The following EHBP1 variants were observed in gnomAD, a reference collection of about 807,000 sequenced individuals.
EHBP1 encodes the protein EH domain-binding protein 1.
A neutral mutation model predicts 144.0 loss-of-function variants in EHBP1; 55 were observed. The ratio of observed to expected loss-of-function variants is 0.38; its 90% CI spans 0.31 to 0.48. EHBP1 has a LOEUF of 0.48. EHBP1 is among the 20% of genes least tolerant of loss of function. The probability of loss-of-function intolerance (pLI) is 0.98; values close to 1 mark genes in which losing one functional copy is unlikely to be tolerated. For missense variants in EHBP1, 1,200 were observed against 1,364.2 expected, an observed-to-expected ratio of 0.88 and a Z score of 1.90; for synonymous variants, 469 against 472.7, an observed-to-expected ratio of 0.99 and a Z score of 0.10.
chr2:62,748,742 G>T (rs889199031), intron 3 of EHBP1, among the ~76,000 whole-genome samples: 1 of 151,982 alleles, frequency 6.6e-6, no homozygotes, highest in East Asian at 1.9e-4. Flanking sequence ...TTGAATGTTG[G>T]TTTTTCTACA....
chr2:62,736,592 G>A (rs2152073943), intron 2 of EHBP1, among the ~76,000 whole-genome samples: 1 of 152,158 alleles, frequency 6.6e-6, no homozygotes, highest in South Asian at 2.1e-4. Context: ...TTCTTCCTCA[G>A]CTATTTACAG....
At chr2:63,012,047 C>A (rs1342431032) in intron 19 of EHBP1, among the ~76,000 whole-genome samples, 1 of 151,412 alleles carries the variant, frequency 6.6e-6, no homozygotes, top group Non-Finnish European at 1.5e-5. Context: ...TTTGTTGTTA[C>A]CGTTGTTGTT....
chr2:62,945,262 AT>A (rs1014873379), intron 12 of EHBP1, among the ~76,000 whole-genome samples: 8 of 152,152 alleles, frequency 5.3e-5, no homozygotes, highest in African/African-American at 7.2e-5. Flanking sequence ...TCATAGGTGT[AT>A]TTTTCAGTAT....
At position 62,949,150 on chromosome 2, in the gene EHBP1, A is replaced by G. The variant is rs185025795; in HGVS notation, c.2304A>G (p.Ser768=). Residue 768 remains serine (S), a synonymous_variant, in exon 13 of 23, where the codon TCA becomes TCG. Coordinates refer to ENST00000431489, the MANE Select transcript of EHBP1 (RefSeq NM_001142616.3). ...CTTTAAATCATGCAGATCATTCATCAAAAATAGTCCAGGTAAGTGAGTTAG... is the reference window on the plus strand; with the variant it reads ...CTTTAAATCATGCAGATCATTCATCGAAAATAGTCCAGGTAAGTGAGTTAG... ...RTTLNHADHS[S]KIVQHRLLSR... 1.3e-6 allele frequency: 2 copies of G among 1,552,534 alleles called. No individual in the cohort carries two copies. The highest frequency in any genetic ancestry group is 2.2e-5 in the Admixed American group (1 of 46,102).
intron 15 of EHBP1, among the ~76,000 whole-genome samples, chr2:62,980,382 C>T (rs1011456560): frequency 3.9e-5 from 6 of 152,152 alleles, no homozygotes; most frequent in Admixed American, 2.0e-4. Context: ...AATGCTCATT[C>T]GCCCTGTTAG....
chr2:62,838,193 A>G (rs1379322465), intron 7 of EHBP1, among the ~76,000 whole-genome samples: 3 of 152,278 alleles, frequency 2.0e-5, no homozygotes, highest in African/African-American at 7.2e-5. Context: ...ATCCCACTCA[A>G]AGCCGCTCAA....
chr2:62,956,754 A>C (rs1314368222), intron 14 of EHBP1, among the ~76,000 whole-genome samples: 1 of 152,034 alleles, frequency 6.6e-6, no homozygotes, highest in Non-Finnish European at 1.5e-5. Context: ...TATTAGGTTA[A>C]TAGATTCTGT....
chr2:62,895,756 TGAA>T (rs1449184706), intron 10 of EHBP1, among the ~76,000 whole-genome samples: 1 of 151,832 alleles, frequency 6.6e-6, no homozygotes, highest in Admixed American at 6.6e-5. Flanking sequence ...AGCAATGCAG[TGAA>T]GAAAGAGTAA....
intron 2 of EHBP1, among the ~76,000 whole-genome samples, chr2:62,716,954 A>G (rs2035746561): frequency 6.6e-6 from 1 of 152,172 alleles, no homozygotes; most frequent in African/African-American, 2.4e-5. Context: ...TTTTGTAGCA[A>G]CAGGGGTCTC....
intron 7 of EHBP1, among the ~76,000 whole-genome samples, chr2:62,855,093 C>T (rs2048947704): frequency 2.6e-5 from 4 of 152,246 alleles, no homozygotes; most frequent in Admixed American, 2.0e-4. Flanking sequence ...CAAACGGCGG[C>T]TGCAGACCCA....
At chr2:62,860,895 A>G (rs981670393) in intron 8 of EHBP1, among the ~76,000 whole-genome samples, 3 of 152,126 alleles carry the variant, frequency 2.0e-5, no homozygotes, top group Non-Finnish European at 4.4e-5. Flanking sequence ...CCAAACAAGT[A>G]TGTGTCAACC....
Position 63,020,070 on chromosome 2 carries a change from A to C in EHBP1, c.3104-17465A>C, listed in dbSNP as rs2060663529. Among the ~76,000 whole-genome samples the C allele has an allele frequency of 3.3e-5, 5 of 152,058 alleles. No individual in the cohort carries two copies. In the Middle Eastern group the frequency reaches 0.01, roughly 310 times the overall value. On this transcript the variant is annotated intron_variant, in intron 19 of 22. Coordinates refer to ENST00000431489, the MANE Select transcript of EHBP1 (RefSeq NM_001142616.3). ...GCCGGGCGAGGTGGCTCATGCCTGTAATTCTAGCACTTTGGGAGGCCAAGG... is the reference window on the plus strand; with the variant it reads ...GCCGGGCGAGGTGGCTCATGCCTGTCATTCTAGCACTTTGGGAGGCCAAGG...
chr2:62,984,995 C>T lies in EHBP1; in HGVS notation c.2608+5660C>T, dbSNP rs911609230. 5.9e-5 allele frequency among the ~76,000 whole-genome samples: 9 copies of T among 152,040 alleles called. No individual in the cohort carries two copies. The South Asian group carries it at 1.0e-3, about 18-fold the overall frequency. Reference sequence around the variant, plus strand: ...TGGCAATGCCATCATTCTGTTTACTCGGGCTGGAGAGTTGATTGTGATGGT... The same window carrying T: ...TGGCAATGCCATCATTCTGTTTACTTGGGCTGGAGAGTTGATTGTGATGGT... On this transcript the variant is annotated intron_variant, in intron 15 of 22. Transcript: ENST00000431489.
intron 14 of EHBP1, among the ~76,000 whole-genome samples, chr2:62,959,005 T>C (rs1214543176): frequency 1.3e-5 from 2 of 152,218 alleles, no homozygotes; most frequent in Non-Finnish European, 2.9e-5. Context: ...AATGAAACTT[T>C]ATTCCTGTAG....
intron 1 of EHBP1, among the ~76,000 whole-genome samples, chr2:62,691,152 A>G (rs6744226): frequency 0.17 from 25,357 of 152,234 alleles, 2,330 homozygotes; most frequent in Middle Eastern, 0.3. Context: ...GTTAGAATTA[A>G]ATATCTTTAT....
At chr2:62,925,716 C>G (rs1574082951) in intron 10 of EHBP1, among the ~76,000 whole-genome samples, 1 of 151,928 alleles carries the variant, frequency 6.6e-6, no homozygotes, top group Non-Finnish European at 1.5e-5. Context: ...GTGAAAGACT[C>G]TACATGGAAA....
intron 10 of EHBP1, among the ~76,000 whole-genome samples, chr2:62,918,479 T>C (rs1326195597): frequency 1.3e-5 from 2 of 152,152 alleles, no homozygotes; most frequent in East Asian, 3.8e-4. Context: ...TACAGACTAC[T>C]CAAGGCCCCA....
chr2:62,798,378 A>T (rs2043712714), intron 5 of EHBP1, among the ~76,000 whole-genome samples: 1 of 151,912 alleles, frequency 6.6e-6, no homozygotes, highest in African/African-American at 2.4e-5. Flanking sequence ...AAAAAAAAAA[A>T]GAAAGAAATA....
chr2:62,863,405 G>A (rs574336507), intron 8 of EHBP1, among the ~76,000 whole-genome samples: 2 of 152,230 alleles, frequency 1.3e-5, no homozygotes, highest in South Asian at 4.1e-4. Flanking sequence ...CCGTGCCGCT[G>A]CACTACAGCC....
Sources: allele counts gnomAD v4.1 joint callset (sites outside exome capture counted in the v4.1 genomes callset), GRCh38; gene constraint gnomAD v4.1.1; transcripts MANE v1.5; gene names NCBI Gene and HGNC (gene_info 2026-07-23, HGNC 2026-07-21).